Variants in VMP1 observed in about 807,000 individuals in gnomAD.
VMP1 encodes vacuole membrane protein 1, also known as ectopic P-granules autophagy protein 3 homolog.
In VMP1, 11 loss-of-function variants were observed where a neutral mutation model predicts 56.0. The ratio of observed to expected loss-of-function variants is 0.20; its 90% CI spans 0.12 to 0.32. VMP1 has a LOEUF of 0.32. Ranked by LOEUF, VMP1 falls within the 10% of genes least tolerant of loss-of-function variation. The pLI is 1.00. For synonymous variants in VMP1, 149 were observed against 165.0 expected (o/e 0.90, Z 0.74); for missense variants, 296 against 490.3 (o/e 0.60, Z 3.74).
chr17:59,789,768 C>T (rs1378366149), intron 7 of VMP1, among the ~76,000 whole-genome samples: 9 of 150,926 alleles, frequency 6.0e-5, no homozygotes, highest in African/African-American at 2.2e-4. Context: ...TTTTGTTTGT[C>T]ATGATCAATC....
chr17:59,830,943 T>C (rs1393395160), intron 10 of VMP1, among the ~76,000 whole-genome samples: 1 of 152,132 alleles, frequency 6.6e-6, no homozygotes, highest in Non-Finnish European at 1.5e-5. Context: ...TCCTCCCCAC[T>C]CAGCCTCTTG....
rs1555615948 is a variant in VMP1 at position 59,748,894 on chromosome 17, AT to A, written c.414+9959del. Reference sequence around the variant, plus strand: ...GATAAATTTATTATTATTATTATTTATTTTTTTTTTTTGAGACAGAGTCTCA... The same window carrying A: ...GATAAATTTATTATTATTATTATTTATTTTTTTTTTTGAGACAGAGTCTCA... On this transcript the variant is annotated intron_variant, in intron 5 of 11. Transcript: ENST00000262291. Among the ~76,000 whole-genome samples the A allele has an allele frequency of 4.1e-5, 6 of 145,770 alleles. 1 individual carries two copies. Among genetic ancestry groups the A allele is most frequent in the Non-Finnish European group, 9.0e-5 (6 of 66,912 alleles).
intron 10 of VMP1, among the ~76,000 whole-genome samples, chr17:59,818,646 T>G (rs1436057137): frequency 6.6e-6 from 1 of 151,564 alleles, no homozygotes; most frequent in Non-Finnish European, 1.5e-5. Context: ...GGCACATGCC[T>G]GTAATCCCAG....
chr17:59,773,207 G>A (rs1196756536), intron 6 of VMP1, among the ~76,000 whole-genome samples: 7 of 151,584 alleles, frequency 4.6e-5, no homozygotes, highest in Admixed American at 2.0e-4. Context: ...GGATCCGCCC[G>A]CCTCGCCCTC....
chr17:59,735,502 C>A, intron 3 of VMP1, 29 bp downstream of exon 3: 2 of 1,611,266 alleles, frequency 1.2e-6, no homozygotes, highest in Non-Finnish European at 1.7e-6. Flanking sequence ...CTACCTTTTA[C>A]ATACACCTCA....
chr17:59,797,352 A>G (rs1035509625), intron 7 of VMP1, among the ~76,000 whole-genome samples: 2 of 151,858 alleles, frequency 1.3e-5, no homozygotes, highest in African/African-American at 4.8e-5. Context: ...AAAAAAAAAA[A>G]AAAAGAAAAA....
intron 10 of VMP1, among the ~76,000 whole-genome samples, chr17:59,829,149 T>A (rs780507593): frequency 6.6e-6 from 1 of 152,164 alleles, no homozygotes; most frequent in African/African-American, 2.4e-5. Flanking sequence ...AAAAGATTCA[T>A]GTGTTCTATT....
chr17:59,815,075 T>G (rs553272908), intron 9 of VMP1, among the ~76,000 whole-genome samples: 71 of 152,270 alleles, frequency 4.7e-4, no homozygotes, highest in Middle Eastern at 3.4e-3. Context: ...CAGCTTAAAA[T>G]TAGACAACCT....
At chr17:59,727,283 C>T (rs540984775) in intron 1 of VMP1, among the ~76,000 whole-genome samples, 4 of 152,026 alleles carry the variant, frequency 2.6e-5, no homozygotes, top group African/African-American at 4.8e-5. Context: ...TATAGGCGCC[C>T]GCCACCATGC....
At chr17:59,755,523 G>A (rs76261825) in intron 5 of VMP1, among the ~76,000 whole-genome samples, 5,918 of 152,060 alleles carry the variant, frequency 0.039, 409 homozygotes, top group African/African-American at 0.14. Context: ...TTTTGTTTTG[G>A]CCAGCAATTT....
chr17:59,836,915 G>A (rs2039000748), intron 10 of VMP1, among the ~76,000 whole-genome samples: 1 of 151,940 alleles, frequency 6.6e-6, no homozygotes, highest in African/African-American at 2.4e-5. Flanking sequence ...TAGAAAAGAA[G>A]TGAAGGCCAG....
At chr17:59,758,153 T>G (rs1183317954) in intron 5 of VMP1, among the ~76,000 whole-genome samples, 1 of 152,106 alleles carries the variant, frequency 6.6e-6, no homozygotes. Flanking sequence ...ATTTGCCACT[T>G]TAAGATGTAC....
At chr17:59,830,740 A>G (rs1337355038) in intron 10 of VMP1, among the ~76,000 whole-genome samples, 1 of 152,242 alleles carries the variant, frequency 6.6e-6, no homozygotes, top group South Asian at 2.1e-4. Flanking sequence ...AATGCTGGTA[A>G]AATATTCTTA....
intron 1 of VMP1, among the ~76,000 whole-genome samples, chr17:59,708,900 G>A (rs1337282601): frequency 6.6e-6 from 1 of 152,104 alleles, no homozygotes; most frequent in African/African-American, 2.4e-5. Context: ...TGACTCTCTC[G>A]AGTAGAAATT....
At chr17:59,769,578 G>T (rs182653915) in intron 6 of VMP1, among the ~76,000 whole-genome samples, 1 of 152,314 alleles carries the variant, frequency 6.6e-6, no homozygotes, top group Admixed American at 6.5e-5. Context: ...ACTCCAAGAA[G>T]ATGCTGTGTT....
intron 1 of VMP1, among the ~76,000 whole-genome samples, chr17:59,714,582 T>C (rs145502550): frequency 2.3e-3 from 353 of 151,034 alleles, no homozygotes; most frequent in African/African-American, 8.1e-3. Flanking sequence ...TTCACCTTTT[T>C]CAAATGTATA....
chr17:59,772,271 G>A (rs1488527999), intron 6 of VMP1, among the ~76,000 whole-genome samples: 6 of 151,990 alleles, frequency 3.9e-5, no homozygotes, highest in South Asian at 2.1e-4. Flanking sequence ...GATTCCAGGC[G>A]TGAGCCACTG....
chr17:59,780,005 A>C (rs922401166), intron 7 of VMP1, among the ~76,000 whole-genome samples: 1 of 152,086 alleles, frequency 6.6e-6, no homozygotes, highest in African/African-American at 2.4e-5. Context: ...TTATCTATCT[A>C]CTGTTGGGGT....
chr17:59,721,724 CA>C (rs1225706622), intron 1 of VMP1, among the ~76,000 whole-genome samples: 2 of 148,014 alleles, frequency 1.4e-5, no homozygotes, highest in Non-Finnish European at 3.0e-5. Flanking sequence ...ACAAACAAAA[CA>C]AAACAAAACA....
Sources: allele counts gnomAD v4.1 joint callset (sites outside exome capture counted in the v4.1 genomes callset), GRCh38; gene constraint gnomAD v4.1.1; transcripts MANE v1.5; gene names NCBI Gene and HGNC (gene_info 2026-07-23, HGNC 2026-07-21).